Variants in CORIN observed in about 807,000 individuals in gnomAD.
CORIN encodes the protein corin, serine peptidase.
In CORIN, 117 loss-of-function variants were observed where a neutral mutation model predicts 125.3. That is an observed-to-expected ratio of 0.93 (90% CI 0.80 to 1.09). The LOEUF (loss-of-function observed/expected upper bound fraction) is 1.09. Among genes scored for constraint, CORIN ranks in the 50% least tolerant of loss-of-function variants. The pLI is 0.00. For synonymous variants in CORIN, 450 were observed against 466.4 expected (o/e 0.96, Z 0.45); for missense variants, 1,253 against 1,306.7 (o/e 0.96, Z 0.63).
chr4:47,708,002 C>T (rs557154866), intron 5 of CORIN, among the ~76,000 whole-genome samples: 3 of 152,328 alleles, frequency 2.0e-5, no homozygotes, highest in South Asian at 4.2e-4. Context: ...ACCTCGTTGA[C>T]TAGAGGATGA....
intron 3 of CORIN, among the ~76,000 whole-genome samples, chr4:47,771,550 C>T (rs146641587): frequency 6.6e-6 from 1 of 152,204 alleles, no homozygotes; most frequent in East Asian, 1.9e-4. Context: ...AAGTATTAAG[C>T]CTAGTACCCA....
rs529229476 is a variant in CORIN at position 47,643,177 on chromosome 4, G to T, written c.2037C>A (p.Asp679Glu). 8 of 1,614,094 alleles carry T rather than the reference G, an allele frequency of 5.0e-6. No homozygotes were observed. In the South Asian group the frequency reaches 7.7e-5, roughly 16 times the overall value. Residue 679 changes from aspartate (D) to glutamate (E), a missense_variant, in exon 15 of 22, where the codon GAC becomes GAA. Transcript: ENST00000273857. Reference sequence around the variant, plus strand: ...CCCATTCATCTGAACTGTCTGAGCAGTCGGCTTCACCATCACACCACAGGT... The same window carrying T: ...CCCATTCATCTGAACTGTCTGAGCATTCGGCTTCACCATCACACCACAGGT... ...SRDLWCDGEA[D>E]CSDSSDEWDC... is the part of the protein sequence containing the mutation.
intron 9 of CORIN, among the ~76,000 whole-genome samples, chr4:47,675,269 A>T (rs1295400512): frequency 6.6e-6 from 1 of 152,214 alleles, no homozygotes; most frequent in Non-Finnish European, 1.5e-5. Flanking sequence ...CAGGCATGTC[A>T]TCTGGAATCT....
chr4:47,744,340 C>A, intron 5 of CORIN, 62 bp downstream of exon 5: 1 of 1,407,562 alleles, frequency 7.1e-7, no homozygotes, highest in Non-Finnish European at 9.9e-7. Context: ...TATATCCATT[C>A]CTGTATAAAT....
chr4:47,677,773 C>T (rs1463051627), intron 9 of CORIN, among the ~76,000 whole-genome samples, 165 bp downstream of exon 9: 1 of 152,188 alleles, frequency 6.6e-6, no homozygotes, highest in Non-Finnish European at 1.5e-5. Context: ...ATGTTTAGCA[C>T]AAGAAAGTGT....
At chr4:47,818,887 A>T (rs923331706) in intron 1 of CORIN, among the ~76,000 whole-genome samples, 1 of 151,964 alleles carries the variant, frequency 6.6e-6, no homozygotes, top group South Asian at 2.1e-4. Context: ...AGAAAAAAAA[A>T]AAAAAAAAAG....
intron 19 of CORIN, among the ~76,000 whole-genome samples, chr4:47,616,606 T>C (rs568607707): frequency 1.3e-4 from 20 of 152,310 alleles, no homozygotes; most frequent in African/African-American, 3.6e-4. Flanking sequence ...AAATACATCA[T>C]TGGACTGCAA....
At position 47,595,845 on chromosome 4, in the gene CORIN, C is replaced by A. The variant is rs767231574; in HGVS notation, c.3005G>T (p.Gly1002Val). Residue 1002 changes from glycine (G) to valine (V), a missense_variant, in exon 22 of 22, where the codon GGA becomes GTA. Transcript: ENST00000273857. ...GCAGACGGAGCCCCATGAAGTTAAT[C>A]CAAATAATGTCCACCGTCCTCCAGG... ...EKPGGRWTLF[G>V]LTSWGSVCFS... 1.2e-6 allele frequency: 2 copies of A among 1,613,836 alleles called. No homozygotes were observed. Among genetic ancestry groups the A allele is most frequent in the Non-Finnish European group, 1.7e-6 (2 of 1,179,842 alleles).
At chr4:47,691,466 C>A (rs996980392) in intron 6 of CORIN, among the ~76,000 whole-genome samples, 1 of 152,006 alleles carries the variant, frequency 6.6e-6, no homozygotes, top group Non-Finnish European at 1.5e-5. Flanking sequence ...AATTCCAAGT[C>A]GTAAAACACA....
chr4:47,814,764 T>C (rs1348627686), intron 1 of CORIN, among the ~76,000 whole-genome samples: 2 of 152,198 alleles, frequency 1.3e-5, no homozygotes, highest in African/African-American at 4.8e-5. Context: ...AGTTGAAGCA[T>C]ATGAAGTTTA....
At chr4:47,817,386 C>T (rs1002756963) in intron 1 of CORIN, among the ~76,000 whole-genome samples, 1 of 151,986 alleles carries the variant, frequency 6.6e-6, no homozygotes, top group African/African-American at 2.4e-5. Context: ...TAGAACAACA[C>T]ACATGGAGTG....
intron 5 of CORIN, among the ~76,000 whole-genome samples, chr4:47,715,046 G>A (rs1349828044): frequency 1.3e-5 from 2 of 152,158 alleles, no homozygotes; most frequent in African/African-American, 4.8e-5. Flanking sequence ...AAAGCAGGAG[G>A]AGACTCAAAG....
At chr4:47,730,472 CAAAA>C (rs71199996) in intron 5 of CORIN, among the ~76,000 whole-genome samples, 2 of 66,030 alleles carry the variant, frequency 3.0e-5, no homozygotes, top group Admixed American at 1.6e-4. Flanking sequence ...GACTCCATCT[CAAAA>C]AAAAAAAAAA....
intron 10 of CORIN, among the ~76,000 whole-genome samples, chr4:47,670,584 A>G (rs183324599): frequency 6.6e-6 from 1 of 152,334 alleles, no homozygotes; most frequent in African/African-American, 2.4e-5. Flanking sequence ...AGTAAGCGTA[A>G]AACTAAAGGT....
At chr4:47,604,407 C>T (rs553259419) in intron 19 of CORIN, among the ~76,000 whole-genome samples, 12 of 152,294 alleles carry the variant, frequency 7.9e-5, no homozygotes, top group African/African-American at 1.2e-4. Flanking sequence ...TCCCACCATA[C>T]GCTGGTGACC....
At position 47,818,993 on chromosome 4, in the gene CORIN, G is replaced by A. The variant is rs561906754; in HGVS notation, c.64-11946C>T. Among the ~76,000 whole-genome samples, 149 of 152,014 alleles carry A rather than the reference G, an allele frequency of 9.8e-4. 1 individual carries two copies. The highest frequency in any genetic ancestry group is 3.7e-3 in the East Asian group (19 of 5,180). ...CATAAAATTATCCAATAATTCTTAC[G>A]TATCAAGTTTCAGCCTGACACAGTT... On this transcript the variant is annotated intron_variant, in intron 1 of 21. Transcript: ENST00000273857.
intron 5 of CORIN, among the ~76,000 whole-genome samples, chr4:47,712,185 C>T (rs1726874335): frequency 6.6e-6 from 1 of 152,062 alleles, no homozygotes; most frequent in Non-Finnish European, 1.5e-5. Context: ...CATTATTAAA[C>T]CGGCATCATA....
chr4:47,677,780 G>A (rs1725093093), intron 9 of CORIN, among the ~76,000 whole-genome samples, 158 bp downstream of exon 9: 1 of 152,212 alleles, frequency 6.6e-6, no homozygotes, highest in South Asian at 2.1e-4. Context: ...GCACAAGAAA[G>A]TGTTTCCTGG....
rs777834289 is a variant in CORIN, at chr4:47,665,086, G to A, written c.1535C>T (p.Thr512Ile). The change falls in exon 11 of 22, where the codon ACC becomes ATC. Residue 512 changes from threonine to isoleucine, a missense_variant. Thr to Ile is a moderately conservative substitution (Grantham distance 89). Coordinates refer to ENST00000273857, the MANE Select transcript of CORIN (RefSeq NM_006587.4). ...CACATCACATTTTGGTACCAAAATG[G>A]TGCAAGAAAAGAACATGAGGTATTT... ...CYKYLMFFSC[T>I]ILVPKCDVNT... 1.2e-6 allele frequency: 2 copies of A among 1,613,616 alleles called. No homozygotes were observed. Among genetic ancestry groups the A allele is most frequent in the Non-Finnish European group, 8.5e-7 (1 of 1,179,752 alleles).
Sources: allele counts gnomAD v4.1 joint callset (sites outside exome capture counted in the v4.1 genomes callset), GRCh38; gene constraint gnomAD v4.1.1; transcripts MANE v1.5; gene names NCBI Gene and HGNC (gene_info 2026-07-23, HGNC 2026-07-21).